TP53I3: variants seen among roughly 807,000 people sequenced by gnomAD.
TP53I3 encodes quinone oxidoreductase PIG3.
A neutral mutation model predicts 27.7 loss-of-function variants in TP53I3; 32 were observed. The ratio of observed to expected loss-of-function variants is 1.16; its 90% CI spans 0.87 to 1.55. TP53I3 has a LOEUF of 1.55. Ranked by LOEUF, TP53I3 falls within the 40% of genes most tolerant of loss-of-function variation. The pLI is 0.00. For missense variants in TP53I3, 372 were observed against 412.3 expected (o/e 0.90, Z 0.85); for synonymous variants, 138 against 167.8 (o/e 0.82, Z 1.37).
At position 24,084,611 on chromosome 2, in the gene TP53I3, G is replaced by A. The variant is rs1003467721; in HGVS notation, c.-285C>T. The A allele has an allele frequency of 5.2e-6, 2 of 385,260 alleles. No homozygotes were observed. Among genetic ancestry groups the A allele is most frequent in the Non-Finnish European group, 9.3e-6 (2 of 214,716 alleles). 23.9% of individuals were successfully genotyped at this position (385,260 alleles called of 1,614,324 possible). A position where few individuals can be genotyped will look rare whatever the true frequency, so the allele number is the denominator to read the frequency against. On this transcript the variant is annotated 5_prime_UTR_variant, in exon 1 of 5. Transcript: ENST00000238721. The surrounding 1 kb of genome is among the most constrained non-coding windows in gnomAD (Gnocchi z 8.4). ...GGGAACGGCGGGAAGTGGGATGGCG[G>A]TACAGGGCTGGATGCGGCAGAGCAG...
At chr2:24,079,255 C>T in intron 4 of TP53I3, 189 bp downstream of exon 4, 1 of 597,356 alleles carries the variant, frequency 1.7e-6, no homozygotes, top group East Asian at 2.8e-5. Flanking sequence ...TTTCATGATA[C>T]TGAAGCTTCT....
At chr2:24,082,187 G>C (rs1665036957) in intron 2 of TP53I3, among the ~76,000 whole-genome samples, 1 of 152,114 alleles carries the variant, frequency 6.6e-6, no homozygotes, top group South Asian at 2.1e-4. Context: ...GTAGAAACAG[G>C]GTTTCGCCAT....
Position 24,083,037 on chromosome 2 carries a change from G to A in TP53I3, c.254C>T (p.Thr85Ile). 1.9e-6 allele frequency: 3 copies of A among 1,614,188 alleles called. No individual in the cohort carries two copies. Among genetic ancestry groups the A allele is most frequent in the Non-Finnish European group, 2.5e-6 (3 of 1,180,036 alleles). ...CCCACCGGGGAGCAGAGCCATGGCT[G>A]TGTCCCCGATCTTCCAGTGTCCCTG... ...GCQGHWKIGDTAMALLPGGGQ... is the reference protein window; with the variant it reads ...GCQGHWKIGDIAMALLPGGGQ... Residue 85 changes from threonine (T) to isoleucine (I), a missense_variant, in exon 2 of 5, where the codon ACA becomes ATA. By Grantham distance (89) the Thr-to-Ile change is moderately conservative. Transcript: ENST00000238721.
In TP53I3 at chr2:24,084,364, G is replaced by C; in HGVS notation, c.-38C>G. ...CACAGGGCAGGGCAGGGCAGGACAG[G>C]ACAGGGCAGGGCAGGGCAGGACAGG... On this transcript the variant is annotated 5_prime_UTR_variant, in exon 1 of 5. Transcript: ENST00000238721. The surrounding 1 kb of genome is among the most constrained non-coding windows in gnomAD (Gnocchi z 8.4). 3 of 1,321,626 alleles carry C rather than the reference G, an allele frequency of 2.3e-6. No homozygotes were observed. Among genetic ancestry groups the C allele is most frequent in the Non-Finnish European group, 3.1e-6 (3 of 969,402 alleles). The allele number at this position is 1,321,626 out of a possible 1,614,324, so 81.9% of individuals were successfully genotyped here.
chr2:24,082,821 A>G, intron 2 of TP53I3, 64 bp downstream of exon 2: 2 of 1,516,556 alleles, frequency 1.3e-6, no homozygotes, highest in Non-Finnish European at 8.8e-7. Flanking sequence ...GCTGGGATTC[A>G]AGTTGGCTGA....
chr2:24,077,691 C>T lies in TP53I3; in HGVS notation c.887G>A (p.Arg296His), dbSNP rs1319176291. The change falls in exon 5 of 5, where the codon CGT (arginine) becomes CAT (histidine). Residue 296 changes from arginine (R) to histidine (H), a missense_variant. Arg to His is a conservative substitution (Grantham distance 29). Coordinates refer to ENST00000238721, the MANE Select transcript of TP53I3 (RefSeq NM_004881.5). This position sits in a 1 kb window ranked among gnomAD's most constrained non-coding sequence, Gnocchi z 5.5. Reference protein sequence around the residue: ...LPHFSTEGPQRLLPVLDRIYP... With the variant: ...LPHFSTEGPQHLLPVLDRIYP... ...GATTCTGTCCAGAACCGGCAGCAGA[C>T]GTTGGGGGCCCTCCGTGGAGAAGTG... The T allele has an allele frequency of 1.9e-6, 3 of 1,613,958 alleles. No individual in the cohort carries two copies. Among genetic ancestry groups the T allele is most frequent in the African/African-American group, 1.3e-5 (1 of 74,882 alleles).
intron 1 of TP53I3, 44 bp from the exon 2 acceptor site, chr2:24,083,196 T>A (rs778177874): frequency 6.5e-7 from 1 of 1,536,596 alleles, no homozygotes; most frequent in Non-Finnish European, 8.8e-7. Flanking sequence ...TGATCAGAAA[T>A]CTGTATGTCA....
intron 2 of TP53I3, 109 bp from the exon 3 acceptor site, chr2:24,081,140 C>A: frequency 3.6e-6 from 1 of 280,668 alleles, no homozygotes; most frequent in Non-Finnish European, 4.9e-6. Flanking sequence ...CCAAATCAAT[C>A]TTTTGCTTTT....
chr2:24,083,089 G>T lies in TP53I3; in HGVS notation c.202C>A (p.His68Asn). Reference protein sequence around the residue: ...SNILGLEASGHVAELGPGCQG... With the variant: ...SNILGLEASGNVAELGPGCQG... ...CAGCCAGGCCCCAGCTCTGCCACAT[G>T]TCCAGATGCCTCAAGTCCCAAAATG... The change falls in exon 2 of 5, where the codon CAT becomes AAT. Residue 68 changes from histidine to asparagine, a missense_variant. Coordinates refer to ENST00000238721, the MANE Select transcript of TP53I3 (RefSeq NM_004881.5). 6.2e-7 allele frequency: 1 copy of T among 1,614,146 alleles called. No homozygotes were observed. The highest frequency in any genetic ancestry group is 8.5e-7 in the Non-Finnish European group (1 of 1,179,996).
rs1665171771 is a variant in TP53I3 at position 24,084,448 on chromosome 2, G to A, written c.-122C>T. 7.8e-7 allele frequency: 1 copy of A among 1,278,482 alleles called. No homozygotes were observed. The highest frequency in any genetic ancestry group is 3.2e-5 in the Admixed American group (1 of 31,396). 79.2% of individuals were successfully genotyped at this position (1,278,482 alleles called of 1,614,324 possible). A position where few individuals can be genotyped will look rare whatever the true frequency, so the allele number is the denominator to read the frequency against. ...CGCTGTATCCTCGCGGAGCAGCCCA[G>A]CCTCAGGCTGGCACCGCAGCGCCCC... On this transcript the variant is annotated 5_prime_UTR_variant, in exon 1 of 5. Coordinates refer to ENST00000238721, the MANE Select transcript of TP53I3 (RefSeq NM_004881.5). This position sits in a 1 kb window ranked among gnomAD's most constrained non-coding sequence, Gnocchi z 8.4.
Position 24,084,110 on chromosome 2 carries a change from C to T in TP53I3, c.138+79G>A. ...TGTGGAGCGGTGCACGCCTTCACGT[C>T]TGGTCAATGTCCACTGAGTGCTGTT... On this transcript the variant is annotated intron_variant, in intron 1 of 4. Coordinates refer to ENST00000238721, the MANE Select transcript of TP53I3 (RefSeq NM_004881.5). This position sits in a 1 kb window ranked among gnomAD's most constrained non-coding sequence, Gnocchi z 8.4. The T allele has an allele frequency of 6.6e-7, 1 of 1,518,674 alleles. No individual in the cohort carries two copies. Among genetic ancestry groups the T allele is most frequent in the East Asian group, 2.3e-5 (1 of 43,240 alleles). 94.1% of individuals were successfully genotyped at this position (1,518,674 alleles called of 1,614,324 possible).
intron 4 of TP53I3, among the ~76,000 whole-genome samples, chr2:24,078,309 C>T (rs561876198): frequency 2.6e-5 from 4 of 151,992 alleles, no homozygotes; most frequent in Admixed American, 6.5e-5. Context: ...CTTACTTTGG[C>T]CGAATCACTT....
Position 24,080,068 on chromosome 2 carries a change from A to T in TP53I3, c.620-428T>A, listed in dbSNP as rs1411596777. 1.3e-5 allele frequency among the ~76,000 whole-genome samples: 2 copies of T among 152,178 alleles called. No homozygotes were observed. Among genetic ancestry groups the T allele is most frequent in the Non-Finnish European group, 2.9e-5 (2 of 68,028 alleles). ...ATCTCTCCTTTTCTACTCACATAAA[A>T]AATGGAGGCCAGGCATGGTGGCTCA... On this transcript the variant is annotated intron_variant, in intron 3 of 4. Transcript: ENST00000238721. This position sits in a 1 kb window ranked among gnomAD's most constrained non-coding sequence, Gnocchi z 4.7.
chr2:24,081,249 T>C (rs1292375088), intron 2 of TP53I3, among the ~76,000 whole-genome samples: 1 of 152,228 alleles, frequency 6.6e-6, no homozygotes, highest in African/African-American at 2.4e-5. Flanking sequence ...AAAGAGCATA[T>C]TGACGACCTT....
chr2:24,079,379 G>A (rs1247684691), intron 4 of TP53I3, 65 bp downstream of exon 4: 2 of 1,538,726 alleles, frequency 1.3e-6, no homozygotes, highest in Admixed American at 3.6e-5. Flanking sequence ...CCTTTCTCGG[G>A]GTAATGTAAA....
At chr2:24,078,728 G>A (rs1664867789) in intron 4 of TP53I3, among the ~76,000 whole-genome samples, 1 of 152,188 alleles carries the variant, frequency 6.6e-6, no homozygotes. Flanking sequence ...CTTTACCCAG[G>A]AGGCAGCCAC....
chr2:24,081,498 C>T (rs1286159529), intron 2 of TP53I3, among the ~76,000 whole-genome samples: 1 of 152,210 alleles, frequency 6.6e-6, no homozygotes, highest in Non-Finnish European at 1.5e-5. Flanking sequence ...CACCAGGCTC[C>T]TCTTCCTAAG....
intron 2 of TP53I3, 101 bp downstream of exon 2, chr2:24,082,784 G>A: frequency 7.0e-7 from 1 of 1,424,042 alleles, no homozygotes. Context: ...GGTGATACAG[G>A]AAGGCCTGGG....
rs1664801226 is a variant in TP53I3 at position 24,077,495 on chromosome 2, T to C, written c.*84A>G. On this transcript the variant is annotated 3_prime_UTR_variant, in exon 5 of 5. Coordinates refer to ENST00000238721, the MANE Select transcript of TP53I3 (RefSeq NM_004881.5). This position sits in a 1 kb window ranked among gnomAD's most constrained non-coding sequence, Gnocchi z 5.5. ...ACGGCTCTGGAGGAAGCACCGGGTT[T>C]CTTGGCCTGTCTATTGTGAATCTTC... 6.9e-7 allele frequency: 1 copy of C among 1,439,780 alleles called. No homozygotes were observed. The highest frequency in any genetic ancestry group is 1.4e-5 in the African/African-American group (1 of 69,870). 89.2% of individuals were successfully genotyped at this position (1,439,780 alleles called of 1,614,324 possible). A position where few individuals can be genotyped will look rare whatever the true frequency, so the allele number is the denominator to read the frequency against.
Sources: gnomAD v4.1 joint callset for allele counts (sites outside exome capture counted in the v4.1 genomes callset) on GRCh38, gnomAD v4.1.1 for gene constraint, Gnocchi (gnomAD v3.1) non-coding constraint, MANE v1.5 for transcripts, NCBI Gene and HGNC (gene_info 2026-07-23, HGNC 2026-07-21) for gene names.